The following ADGRF5 variants were observed in gnomAD, a reference collection of about 807,000 sequenced individuals.
ADGRF5 encodes the protein G-protein coupled receptor 116.
ADGRF5 carries 75 observed loss-of-function variants against 132.3 expected under a neutral mutation model. The observed-to-expected ratio is 0.57, with a 90% CI of 0.47 to 0.69. The LOEUF is 0.69. Ranked by LOEUF, ADGRF5 falls within the 30% of genes least tolerant of loss-of-function variation. The pLI is 0.00. For synonymous variants in ADGRF5, 629 were observed against 597.6 expected (o/e 1.05, Z -0.77); for missense variants, 1,516 against 1,630.6 (o/e 0.93, Z 1.21).
In ADGRF5 at chr6:46,888,157, G is replaced by A. The variant is rs1247710069; in HGVS notation, c.328+178C>T. On this transcript the variant is annotated intron_variant, in intron 4 of 20. Transcript: ENST00000283296. Reference sequence around the variant, plus strand: ...TTAAAATAAGAAACCTCTGGCTGCAGAGTTTACTGATAGAGGCTTCATTCA... The same window carrying A: ...TTAAAATAAGAAACCTCTGGCTGCAAAGTTTACTGATAGAGGCTTCATTCA... 5.5e-6 allele frequency: 3 copies of A among 550,080 alleles called. No individual in the cohort carries two copies. The Admixed American group carries it at 9.3e-5, about 17-fold the overall frequency. The allele number at this position is 550,080 out of a possible 1,614,324, so 34.1% of individuals were successfully genotyped here. A position where few individuals can be genotyped will look rare whatever the true frequency, so the allele number is the denominator to read the frequency against.
intron 1 of ADGRF5, among the ~76,000 whole-genome samples, chr6:46,944,983 T>C (rs917275823): frequency 1.3e-5 from 2 of 152,172 alleles, no homozygotes; most frequent in African/African-American, 4.8e-5. Flanking sequence ...TCAATCTCCA[T>C]GGCTTTGAAA....
In ADGRF5 at chr6:46,862,703, C is replaced by CTTTTTTTTTTTTTTTTTTTTTTTT. The variant is rs67565937; in HGVS notation, c.2199+161_2199+184dup. Among the ~76,000 whole-genome samples the CTTTTTTTTTTTTTTTTTTTTTTTT allele has an allele frequency of 1.8e-3, 48 of 26,512 alleles. 8 individuals are homozygous for CTTTTTTTTTTTTTTTTTTTTTTTT. The highest frequency in any genetic ancestry group is 6.9e-3 in the Admixed American group (8 of 1,156). The allele number at this position is 26,512 out of a possible 152,430, so 17.4% of individuals were successfully genotyped here. A position where few individuals can be genotyped will look rare whatever the true frequency, so the allele number is the denominator to read the frequency against. ...AGTTGTCTTAGTATTTGAATTGAGG[C>CTTTTTTTTTTTTTTTTTTTTTTTT]TTTTTTTTTTTTTTTTTTTTTTTTT... On this transcript the variant is annotated intron_variant, in intron 15 of 20. Coordinates refer to ENST00000283296, the MANE Select transcript of ADGRF5 (RefSeq NM_001098518.2).
chr6:46,912,065 G>C (rs1312942478), intron 1 of ADGRF5, among the ~76,000 whole-genome samples: 1 of 152,012 alleles, frequency 6.6e-6, no homozygotes, highest in Non-Finnish European at 1.5e-5. Flanking sequence ...CTAATTAAAG[G>C]GTACAGATCT....
rs755030199 is a variant in ADGRF5 at position 46,884,209 on chromosome 6, C to A, written c.391G>T (p.Glu131Ter). 1 of 1,614,102 alleles carries A rather than the reference C, an allele frequency of 6.2e-7. No homozygotes were observed. The highest frequency in any genetic ancestry group is 8.5e-7 in the Non-Finnish European group (1 of 1,179,938). ...SCETGYGWPR[E>*]RCLHNLICQE... ...CAAATGAGATTGTGAAGACACCTTT[C>A]CCGAGGCCACCCATAACCTGTCTCG... Residue 131 changes from glutamate to a stop codon, truncating the protein, a stop_gained, in exon 5 of 21, where the codon GAA (glutamate) becomes TAA (stop). Coordinates refer to ENST00000283296, the MANE Select transcript of ADGRF5 (RefSeq NM_001098518.2). LOFTEE classifies it high-confidence loss of function.
At chr6:46,939,509 T>C (rs1050911660) in intron 1 of ADGRF5, among the ~76,000 whole-genome samples, 1 of 152,236 alleles carries the variant, frequency 6.6e-6, no homozygotes, top group African/African-American at 2.4e-5. Flanking sequence ...AAAGAGTAAC[T>C]TAATTAAAAT....
chr6:46,946,690 G>A (rs1778316160), intron 1 of ADGRF5, among the ~76,000 whole-genome samples: 2 of 152,152 alleles, frequency 1.3e-5, no homozygotes, highest in Non-Finnish European at 2.9e-5. Context: ...CTTCCCTTGG[G>A]ACAAAACAGG....
chr6:46,946,182 T>C (rs1778295668), intron 1 of ADGRF5, among the ~76,000 whole-genome samples: 3 of 152,078 alleles, frequency 2.0e-5, no homozygotes, highest in Admixed American at 2.0e-4. Flanking sequence ...GCTGAGGAAA[T>C]GGCAGAGGGA....
intron 13 of ADGRF5, 75 bp downstream of exon 13, chr6:46,866,850 T>C: frequency 1.2e-6 from 1 of 856,770 alleles, no homozygotes. Context: ...TCTTGATCCC[T>C]ATTTTAAGAC....
At chr6:46,930,477 C>T (rs1459721608) in intron 1 of ADGRF5, among the ~76,000 whole-genome samples, 10 of 151,998 alleles carry the variant, frequency 6.6e-5, no homozygotes, top group Non-Finnish European at 1.3e-4. Context: ...AGATTTAACA[C>T]GGATGACAGT....
chr6:46,896,660 ATGTGTGTG>A (rs10655431), intron 3 of ADGRF5, among the ~76,000 whole-genome samples: 1 of 150,478 alleles, frequency 6.6e-6, no homozygotes, highest in Non-Finnish European at 1.5e-5. Flanking sequence ...TGTGAGATAT[ATGTGTGTG>A]TGTGTGTAAA....
At chr6:46,943,097 G>T (rs1778156941) in intron 1 of ADGRF5, among the ~76,000 whole-genome samples, 2 of 150,632 alleles carry the variant, frequency 1.3e-5, no homozygotes, top group South Asian at 2.1e-4. Context: ...CAAGTCAAAA[G>T]AGGAAAAAAA....
At chr6:46,876,439 T>G (rs1333609026) in intron 10 of ADGRF5, among the ~76,000 whole-genome samples, 1 of 152,214 alleles carries the variant, frequency 6.6e-6, no homozygotes. Context: ...CACCTCCTCT[T>G]CCTTAGAAAT....
At chr6:46,919,021 A>G (rs1027885552) in intron 1 of ADGRF5, among the ~76,000 whole-genome samples, 1 of 138,318 alleles carries the variant, frequency 7.2e-6, no homozygotes, top group African/African-American at 2.4e-5. Flanking sequence ...TTTCTCTGGC[A>G]AAGTGTCTAG....
At chr6:46,928,215 G>A (rs1019858683) in intron 1 of ADGRF5, among the ~76,000 whole-genome samples, 1 of 152,056 alleles carries the variant, frequency 6.6e-6, no homozygotes, top group Non-Finnish European at 1.5e-5. Context: ...CCCACCTCAG[G>A]GTGCCTGGGA....
At chr6:46,910,609 G>A (rs111607172) in intron 1 of ADGRF5, among the ~76,000 whole-genome samples, 68 of 152,132 alleles carry the variant, frequency 4.5e-4, no homozygotes, top group Middle Eastern at 3.4e-3. Context: ...GCTGATAGAC[G>A]GTAGTGGCAA....
At chr6:46,854,753 G>T in intron 20 of ADGRF5, 1 of 1,287,072 alleles carries the variant, frequency 7.8e-7, no homozygotes, top group Non-Finnish European at 1.0e-6. Context: ...CAAGGTTTCC[G>T]TCATGGCCTG....
intron 12 of ADGRF5, among the ~76,000 whole-genome samples, chr6:46,868,038 A>C (rs1770641655): frequency 6.6e-6 from 1 of 152,210 alleles, no homozygotes; most frequent in African/African-American, 2.4e-5. Flanking sequence ...GTCCAGCCCA[A>C]ACAATAACTA....
At chr6:46,941,394 AAGAAAAG>A (rs1778045194) in intron 1 of ADGRF5, among the ~76,000 whole-genome samples, 2 of 20,224 alleles carry the variant, frequency 9.9e-5, no homozygotes, top group Non-Finnish European at 1.7e-4. Context: ...AAACAAAGAA[AAGAAAAG>A]AAAAGAAAAG....
chr6:46,876,804 C>T (rs1016160015), intron 10 of ADGRF5, among the ~76,000 whole-genome samples: 4 of 152,160 alleles, frequency 2.6e-5, no homozygotes, highest in Non-Finnish European at 5.9e-5. Context: ...GGGGTTTCAC[C>T]GTGTTGGCCA....
Sources: allele counts gnomAD v4.1 joint callset (sites outside exome capture counted in the v4.1 genomes callset), GRCh38; gene constraint gnomAD v4.1.1; transcripts MANE v1.5; gene names NCBI Gene and HGNC (gene_info 2026-07-23, HGNC 2026-07-21).